Variants in PCNX1 observed in about 807,000 individuals in gnomAD.
PCNX1 encodes the protein pecanex 1, also known as pecanex-like protein 1.
A neutral mutation model predicts 242.2 loss-of-function variants in PCNX1; 78 were observed. The observed-to-expected ratio is 0.32, with a 90% CI of 0.27 to 0.39. The LOEUF (loss-of-function observed/expected upper bound fraction) is 0.39. PCNX1 is among the 10% of genes least tolerant of loss of function. The pLI is 1.00. For synonymous variants in PCNX1, 1,024 were observed against 1,032.9 expected (o/e 0.99, Z 0.17); for missense variants, 2,581 against 2,856.5 (o/e 0.90, Z 2.20).
chr14:71,076,392 A>C lies in PCNX1; in HGVS notation c.5310A>C (p.Ile1770=). Residue 1770 remains isoleucine (I), a synonymous_variant, in exon 28 of 36, where the codon ATA becomes ATC. Transcript: ENST00000304743. ...TCTGTGTGATTTACCTCAACTGGAT[A>C]GAGTACTGCTCTTCCCGAAGAGCAA... ...ESFCVIYLNW[I]EYCSSRRAKP... is the part of the protein sequence containing the mutation. 6.2e-7 allele frequency: 1 copy of C among 1,608,348 alleles called. No individual in the cohort carries two copies.
chr14:71,081,712 T>C (rs1465836312), intron 28 of PCNX1, among the ~76,000 whole-genome samples: 1 of 152,190 alleles, frequency 6.6e-6, no homozygotes, highest in Non-Finnish European at 1.5e-5. Context: ...AGTGGTGATA[T>C]CCCCTTTATC....
Position 71,057,622 on chromosome 14 carries a change from G to A in PCNX1, c.4750G>A (p.Asp1584Asn). Residue 1584 changes from aspartate to asparagine, a missense_variant, in exon 26 of 36, where the codon GAC becomes AAC. Physicochemically the swap from Asp to Asn is conservative, Grantham distance 23. This residue lies in a region of PCNX1 where 54 missense variants were observed against 45.3 expected (regional missense o/e 1.19). Coordinates refer to ENST00000304743, the MANE Select transcript of PCNX1 (RefSeq NM_014982.3). ...LGRWGNYSTG[D>N]CFILASDYLN... ...ACGGTGGGGAAACTACAGTACAGGG[G>A]ACTGTTTCATCCTTGCCTCTGACTA... is the stretch of plus-strand genomic sequence containing the variant. 6.2e-7 allele frequency: 1 copy of A among 1,611,300 alleles called. No homozygotes were observed. Among genetic ancestry groups the A allele is most frequent in the Non-Finnish European group, 8.5e-7 (1 of 1,177,426 alleles).
In PCNX1 at chr14:71,113,772, T is replaced by A. The variant is rs1343716373; in HGVS notation, c.*3837T>A. On this transcript the variant is annotated 3_prime_UTR_variant, in exon 36 of 36. Transcript: ENST00000304743. ...TTTATATTTACTAGCTACTTAACCA[T>A]AAACTGCTGTCCAGATTGTTAATTT... 2.0e-5 allele frequency: 3 copies of A among 152,222 alleles called. No homozygotes were observed. The highest frequency in any genetic ancestry group is 7.2e-5 in the African/African-American group (3 of 41,460). The allele number at this position is 152,222 out of a possible 1,614,324, so 9.4% of individuals were successfully genotyped here. A position where few individuals can be genotyped will look rare whatever the true frequency, so the allele number is the denominator to read the frequency against.
At chr14:70,928,357 A>G (rs1351335324) in intron 1 of PCNX1, among the ~76,000 whole-genome samples, 1 of 152,186 alleles carries the variant, frequency 6.6e-6, no homozygotes, top group Admixed American at 6.5e-5. Context: ...TTAATTGTGA[A>G]TCCTGAAAAA....
Position 70,977,876 on chromosome 14 carries a change from C to A in PCNX1, c.1539C>A (p.Asn513Lys). ...GACCACCTGGGAACACTGCAGAAAA[C>A]AAAGAAGAGAAGAGTGATAAGTCAG... ...GDRPPGNTAE[N>K]KEEKSDKSAV... The change falls in exon 6 of 36, where the codon AAC becomes AAA. Residue 513 changes from asparagine (N) to lysine (K), a missense_variant. Physicochemically the swap from Asn to Lys is moderately conservative, Grantham distance 94. Transcript: ENST00000304743. 1 of 1,614,060 alleles carries A rather than the reference C, an allele frequency of 6.2e-7. No homozygotes were observed. Among genetic ancestry groups the A allele is most frequent in the Non-Finnish European group, 8.5e-7 (1 of 1,180,004 alleles).
chr14:70,997,703 A>C (rs1364075732), intron 8 of PCNX1, among the ~76,000 whole-genome samples: 1 of 152,178 alleles, frequency 6.6e-6, no homozygotes, highest in East Asian at 1.9e-4. Flanking sequence ...AATAATTAGC[A>C]CAAAACAATC....
chr14:70,912,541 CT>C (rs1391017607), intron 1 of PCNX1, among the ~76,000 whole-genome samples: 2 of 151,864 alleles, frequency 1.3e-5, no homozygotes, highest in Non-Finnish European at 2.9e-5. Context: ...GAATTCCCCC[CT>C]AAACAACACT....
At chr14:71,107,664 C>T (rs904729276) in intron 33 of PCNX1, among the ~76,000 whole-genome samples, 4 of 152,074 alleles carry the variant, frequency 2.6e-5, no homozygotes, top group Non-Finnish European at 5.9e-5. Flanking sequence ...CTGATCATTC[C>T]GATTTAGTAG....
intron 7 of PCNX1, among the ~76,000 whole-genome samples, chr14:70,990,754 C>T (rs985693421): frequency 6.6e-6 from 1 of 152,128 alleles, no homozygotes; most frequent in Admixed American, 6.5e-5. Flanking sequence ...TGTGAGCCTT[C>T]CTGTTCTTTT....
intron 11 of PCNX1, among the ~76,000 whole-genome samples, chr14:71,017,834 T>G (rs758443234): frequency 6.6e-6 from 1 of 152,226 alleles, no homozygotes; most frequent in Non-Finnish European, 1.5e-5. Flanking sequence ...GAAATACTAT[T>G]GAACTTTTTT....
At chr14:71,023,275 A>G in intron 13 of PCNX1, 43 bp downstream of exon 13, 2 of 1,382,604 alleles carry the variant, frequency 1.4e-6, no homozygotes, top group Non-Finnish European at 2.0e-6. Context: ...GGTCCTTAAC[A>G]TTTATCATAA....
intron 11 of PCNX1, among the ~76,000 whole-genome samples, chr14:71,015,041 G>A (rs2059924499): frequency 6.6e-6 from 1 of 152,100 alleles, no homozygotes; most frequent in South Asian, 2.1e-4. Context: ...CAGTAGAGGA[G>A]CATCTTTAAA....
At chr14:70,914,449 G>A (rs2056066549) in intron 1 of PCNX1, among the ~76,000 whole-genome samples, 1 of 152,162 alleles carries the variant, frequency 6.6e-6, no homozygotes, top group East Asian at 1.9e-4. Flanking sequence ...TGACGTAAAG[G>A]TGGAGTGTTT....
chr14:70,998,136 A>C (rs984530265), intron 8 of PCNX1, among the ~76,000 whole-genome samples: 14 of 152,132 alleles, frequency 9.2e-5, no homozygotes, highest in Non-Finnish European at 1.5e-4. Context: ...TTAAAAAAAA[A>C]CTCTGAATCA....
intron 1 of PCNX1, among the ~76,000 whole-genome samples, chr14:70,931,356 T>C (rs937640582): frequency 3.3e-5 from 5 of 152,238 alleles, no homozygotes; most frequent in African/African-American, 1.2e-4. Flanking sequence ...TTCCCATTAG[T>C]AATTTGCCCA....
rs1019783360 is a variant in PCNX1, at chr14:70,978,040, G to A, written c.1703G>A (p.Arg568Gln). Residue 568 changes from arginine (R) to glutamine (Q), a missense_variant, in exon 6 of 36, where the codon CGG (arginine) becomes CAG (glutamine). Physicochemically the swap from Arg to Gln is conservative, Grantham distance 43 (BLOSUM62 1). Transcript: ENST00000304743. ...KSGRRRTGKK[R>Q]ASSFDSSRHR... ...GGCAGGAGACGCACAGGAAAAAAACGGGCTAGCAGTTTTGATTCAAGCCGG... is the reference window on the plus strand; with the variant it reads ...GGCAGGAGACGCACAGGAAAAAAACAGGCTAGCAGTTTTGATTCAAGCCGG... The A allele has an allele frequency of 2.5e-6, 4 of 1,613,974 alleles. No individual in the cohort carries two copies. Among genetic ancestry groups the A allele is most frequent in the Admixed American group, 1.7e-5 (1 of 59,982 alleles).
chr14:70,907,692 T>A lies in PCNX1; in HGVS notation c.-159T>A. The A allele has an allele frequency of 1.2e-6, 1 of 844,252 alleles. No homozygotes were observed. The highest frequency in any genetic ancestry group is 1.5e-6 in the Non-Finnish European group (1 of 668,124). The allele number at this position is 844,252 out of a possible 1,614,324, so 52.3% of individuals were successfully genotyped here. A position where few individuals can be genotyped will look rare whatever the true frequency, so the allele number is the denominator to read the frequency against. On this transcript the variant is annotated 5_prime_UTR_variant, in exon 1 of 36. Coordinates refer to ENST00000304743, the MANE Select transcript of PCNX1 (RefSeq NM_014982.3). Reference sequence around the variant, plus strand: ...CTCGTTTGCTGCCTCCTCCTCCTCCTGCAGCAGCACCAGCGACCGCCGAAG... The same window carrying A: ...CTCGTTTGCTGCCTCCTCCTCCTCCAGCAGCAGCACCAGCGACCGCCGAAG...
At chr14:70,960,377 G>A (rs1036868595) in intron 2 of PCNX1, among the ~76,000 whole-genome samples, 1 of 151,900 alleles carries the variant, frequency 6.6e-6, no homozygotes. Context: ...TAACGTTTAA[G>A]TCTTTAATCC....
intron 26 of PCNX1, among the ~76,000 whole-genome samples, chr14:71,067,498 C>T (rs1171684313): frequency 6.6e-6 from 1 of 152,028 alleles, no homozygotes; most frequent in Non-Finnish European, 1.5e-5. Context: ...TGATTCTGCT[C>T]TCTTTTCTTC....
Sources: gnomAD v4.1 joint callset for allele counts (sites outside exome capture counted in the v4.1 genomes callset) on GRCh38, gnomAD v4.1.1 for gene constraint, gnomAD v4.1.1 regional missense constraint, MANE v1.5 for transcripts, NCBI Gene and HGNC (gene_info 2026-07-23, HGNC 2026-07-21) for gene names.